The following MAP2K4 variants were observed in gnomAD, a reference collection of about 807,000 sequenced individuals.
MAP2K4 encodes the protein dual specificity mitogen-activated protein kinase kinase 4.
MAP2K4 carries 4 observed loss-of-function variants against 48.5 expected under a neutral mutation model. That is an observed-to-expected ratio of 0.08 (90% CI 0.04 to 0.19). MAP2K4 has a LOEUF of 0.19. MAP2K4 is among the 10% of genes least tolerant of loss of function. The pLI is 1.00. For synonymous variants in MAP2K4, 166 were observed against 173.1 expected, an observed-to-expected ratio of 0.96 and a Z score of 0.32; for missense variants, 258 against 493.3, an observed-to-expected ratio of 0.52 and a Z score of 4.52.
chr17:12,054,768 C>A, intron 1 of MAP2K4, 121 bp from the exon 2 acceptor site: 1 of 552,404 alleles, frequency 1.8e-6, no homozygotes, highest in Non-Finnish European at 3.3e-6. Flanking sequence ...AAAATATTGT[C>A]CTATATTAAC....
intron 7 of MAP2K4, among the ~76,000 whole-genome samples, chr17:12,117,276 GC>G (rs919048671): frequency 3.3e-4 from 50 of 152,054 alleles, no homozygotes; most frequent in Non-Finnish European, 1.0e-4. Flanking sequence ...AAAATGCAAA[GC>G]CCGAAATGCT....
rs199966840 is a variant in MAP2K4 at position 12,136,877 on chromosome 17, TG to T, written c.1041-2960del. On this transcript the variant is annotated intron_variant, in intron 9 of 10. Coordinates refer to ENST00000353533, the MANE Select transcript of MAP2K4 (RefSeq NM_003010.4). ...AGAATGCTGTGTAGATCTGATGCCA[TG>T]GACTTGCTGTATTCCAGGTCATTTT... 1.3e-3 allele frequency among the ~76,000 whole-genome samples: 155 copies of T among 122,820 alleles called. 3 individuals carry two copies. In the East Asian group the frequency reaches 0.031, roughly 24 times the overall value. The allele number at this position is 122,820 out of a possible 152,430, so 80.6% of individuals were successfully genotyped here. A position where few individuals can be genotyped will look rare whatever the true frequency, so the allele number is the denominator to read the frequency against.
At chr17:12,113,485 G>A in intron 7 of MAP2K4, 125 bp downstream of exon 7, 2 of 1,196,576 alleles carry the variant, frequency 1.7e-6, no homozygotes, top group Non-Finnish European at 2.3e-6. Flanking sequence ...TTACCCTAAG[G>A]CCCAAGCTCA....
intron 1 of MAP2K4, among the ~76,000 whole-genome samples, chr17:12,023,461 A>G (rs1341852054): frequency 6.6e-6 from 1 of 152,124 alleles, no homozygotes; most frequent in Non-Finnish European, 1.5e-5. Flanking sequence ...AAGATGTTTG[A>G]TGTACTTCCA....
intron 7 of MAP2K4, among the ~76,000 whole-genome samples, chr17:12,114,294 T>C (rs1354148999): frequency 6.6e-6 from 1 of 152,228 alleles, no homozygotes; most frequent in Non-Finnish European, 1.5e-5. Context: ...GGCTTAGTGC[T>C]ACTACAAATT....
intron 9 of MAP2K4, among the ~76,000 whole-genome samples, chr17:12,133,106 G>C (rs1374149701): frequency 6.6e-6 from 1 of 152,048 alleles, no homozygotes; most frequent in Non-Finnish European, 1.5e-5. Context: ...TTTTAATATG[G>C]AGCCTTGCTC....
At chr17:12,065,781 A>T (rs979932112) in intron 2 of MAP2K4, among the ~76,000 whole-genome samples, 1 of 152,212 alleles carries the variant, frequency 6.6e-6, no homozygotes, top group African/African-American at 2.4e-5. Flanking sequence ...CTCACTGAGC[A>T]GTATTTGTGG....
chr17:12,081,252 T>G lies in MAP2K4; in HGVS notation c.219-104T>G, dbSNP rs1442740595. The stretch of plus-strand genomic sequence containing the variant: ...TCAAAAACCTGGAGGTCAGACTATT[T>G]TAGTAATTTAGAAAACATTTTTCCC... On this transcript the variant is annotated intron_variant, in intron 2 of 10. Coordinates refer to ENST00000353533, the MANE Select transcript of MAP2K4 (RefSeq NM_003010.4). The surrounding 1 kb of genome is among the most constrained non-coding windows in gnomAD (Gnocchi z 4.2). The G allele has an allele frequency of 1.9e-5, 16 of 850,040 alleles. No individual in the cohort carries two copies. The highest frequency in any genetic ancestry group is 2.7e-5 in the Non-Finnish European group (15 of 563,200). 52.7% of individuals were successfully genotyped at this position (850,040 alleles called of 1,614,324 possible). A position where few individuals can be genotyped will look rare whatever the true frequency, so the allele number is the denominator to read the frequency against.
chr17:12,041,004 T>C lies in MAP2K4; in HGVS notation c.116-13885T>C, dbSNP rs9910894. On this transcript the variant is annotated intron_variant, in intron 1 of 10. Coordinates refer to ENST00000353533, the MANE Select transcript of MAP2K4 (RefSeq NM_003010.4). Reference sequence around the variant, plus strand: ...TTTTGGGTCTTTGTAAGTAACAAATTAGAAACATTTCAGTCGAGATTCTCT... The same window carrying C: ...TTTTGGGTCTTTGTAAGTAACAAATCAGAAACATTTCAGTCGAGATTCTCT... Among the ~76,000 whole-genome samples, 433 of 152,376 alleles carry C rather than the reference T, an allele frequency of 2.8e-3. 2 individuals are homozygous for C. The highest frequency in any genetic ancestry group is 6.6e-3 in the African/African-American group (274 of 41,596).
intron 2 of MAP2K4, among the ~76,000 whole-genome samples, chr17:12,060,111 G>A (rs1382266215): frequency 6.6e-6 from 1 of 151,120 alleles, no homozygotes; most frequent in Non-Finnish European, 1.5e-5. Flanking sequence ...CCTGGAGGTT[G>A]AGGCTACAGT....
In MAP2K4 at chr17:12,141,178, G is replaced by A. The variant is rs1372846289; in HGVS notation, c.1118G>A (p.Arg373His). ...KHPFILMYEE[R>H]AVEVACYVCK... Reference sequence around the variant, plus strand: ...CCCTTTATTTTGATGTATGAAGAACGTGCCGTTGAGGTCGCATGCTATGTT... The same window carrying A: ...CCCTTTATTTTGATGTATGAAGAACATGCCGTTGAGGTCGCATGCTATGTT... Residue 373 changes from arginine (R) to histidine (H), a missense_variant, in exon 11 of 11, where the codon CGT becomes CAT. Physicochemically the swap from Arg to His is conservative, Grantham distance 29. This residue lies in a region of MAP2K4 where 57 missense variants were observed against 84.3 expected (regional missense o/e 0.68). Transcript: ENST00000353533. The A allele has an allele frequency of 1.6e-5, 26 of 1,613,460 alleles. No homozygotes were observed. The highest frequency in any genetic ancestry group is 3.3e-4 in the Middle Eastern group (2 of 6,060).
intron 3 of MAP2K4, among the ~76,000 whole-genome samples, chr17:12,082,325 A>G (rs1194951880): frequency 1.3e-5 from 2 of 152,188 alleles, no homozygotes; most frequent in African/African-American, 4.8e-5. Context: ...TTTCAGGAAA[A>G]TCAGCAACAG....
rs1973375119 is a variant in MAP2K4 at position 12,141,452 on chromosome 17, C to G, written c.*192C>G. ...TCCTTGTAATACCTGATTGATCACA[C>G]AGTGTTAGTGCTGGTCAGAGAGACC... is the stretch of plus-strand genomic sequence containing the variant. On this transcript the variant is annotated 3_prime_UTR_variant, in exon 11 of 11. Transcript: ENST00000353533. 1.2e-5 allele frequency: 7 copies of G among 606,082 alleles called. No individual in the cohort carries two copies. The East Asian group carries it at 1.9e-4, about 17-fold the overall frequency. The allele number at this position is 606,082 out of a possible 1,614,324, so 37.5% of individuals were successfully genotyped here. A position where few individuals can be genotyped will look rare whatever the true frequency, so the allele number is the denominator to read the frequency against.
chr17:12,031,377 T>A (rs1029193029), intron 1 of MAP2K4, among the ~76,000 whole-genome samples: 1 of 152,222 alleles, frequency 6.6e-6, no homozygotes, highest in African/African-American at 2.4e-5. Flanking sequence ...CGTGTTTTGA[T>A]TGAATTTGTT....
rs1445394575 is a variant in MAP2K4 at position 12,021,290 on chromosome 17, C to G, written c.115+289C>G. ...AGGGCCCACCTGGTCCGGGACCGCC[C>G]CCGCGGCCGTCCCCATCGCCCCCGC... On this transcript the variant is annotated intron_variant, in intron 1 of 10. Coordinates refer to ENST00000353533, the MANE Select transcript of MAP2K4 (RefSeq NM_003010.4). 16 of 214,316 alleles carry G rather than the reference C, an allele frequency of 7.5e-5. No individual in the cohort carries two copies. In the East Asian group the frequency reaches 1.5e-3, roughly 20 times the overall value. The allele number at this position is 214,316 out of a possible 1,614,324, so 13.3% of individuals were successfully genotyped here. A position where few individuals can be genotyped will look rare whatever the true frequency, so the allele number is the denominator to read the frequency against.
At chr17:12,028,418 A>G (rs1217392963) in intron 1 of MAP2K4, among the ~76,000 whole-genome samples, 3 of 152,248 alleles carry the variant, frequency 2.0e-5, no homozygotes, top group Admixed American at 6.5e-5. Flanking sequence ...TCTGAAAGAA[A>G]TAAACCATCA....
intron 7 of MAP2K4, among the ~76,000 whole-genome samples, chr17:12,120,532 A>AG: frequency 2.8e-5 from 1 of 35,302 alleles, no homozygotes; most frequent in East Asian, 3.0e-3. Context: ...AAGCTCCCTC[A>AG]TTCCCCCCCC....
At position 12,106,436 on chromosome 17, in the gene MAP2K4, A is replaced by T. The variant is rs77666661; in HGVS notation, c.514-1354A>T. Among the ~76,000 whole-genome samples, 9 of 152,310 alleles carry T rather than the reference A, an allele frequency of 5.9e-5. No individual in the cohort carries two copies. The East Asian group carries it at 1.7e-3, about 29-fold the overall frequency. On this transcript the variant is annotated intron_variant, in intron 4 of 10. Coordinates refer to ENST00000353533, the MANE Select transcript of MAP2K4 (RefSeq NM_003010.4). ...ATAGCCATGTATCTGTGAATGTTCT[A>T]GAAAGTGGTCCTTTTGTAAGAGTGC...
At chr17:12,034,631 G>T (rs1840942953) in intron 1 of MAP2K4, among the ~76,000 whole-genome samples, 2 of 152,326 alleles carry the variant, frequency 1.3e-5, no homozygotes, top group Admixed American at 1.3e-4. Context: ...ATAGGCCCCT[G>T]CCGTTAGCAA....
Sources: gnomAD v4.1 joint callset for allele counts (sites outside exome capture counted in the v4.1 genomes callset) on GRCh38, gnomAD v4.1.1 for gene constraint, gnomAD v4.1.1 regional missense constraint, Gnocchi (gnomAD v3.1) non-coding constraint, MANE v1.5 for transcripts, NCBI Gene and HGNC (gene_info 2026-07-23, HGNC 2026-07-21) for gene names.